The following GRB2 variants were observed in gnomAD, a reference collection of about 807,000 sequenced individuals.
GRB2 encodes the protein growth factor receptor-bound protein 2.
Under a neutral mutation model 27.4 loss-of-function variants are expected in GRB2, and 2 were observed. The ratio of observed to expected loss-of-function variants is 0.07; its 90% CI spans 0.03 to 0.23. The LOEUF (loss-of-function observed/expected upper bound fraction) is 0.23, where lower values mean the gene tolerates loss of function less well. Ranked by LOEUF, GRB2 falls within the 10% of genes least tolerant of loss-of-function variation. The probability of loss-of-function intolerance (pLI) is 1.00; values close to 1 mark genes in which losing one functional copy is unlikely to be tolerated. For synonymous variants in GRB2, 94 were observed against 99.6 expected (o/e 0.94, Z 0.33); for missense variants, 102 against 282.4 (o/e 0.36, Z 4.58).
intron 1 of GRB2, among the ~76,000 whole-genome samples, chr17:75,395,497 A>G (rs2079023767): frequency 6.6e-6 from 1 of 152,220 alleles, no homozygotes; most frequent in Admixed American, 6.5e-5. Flanking sequence ...ACATAATTTT[A>G]AAAGTCAGAG....
chr17:75,339,223 T>A, intron 2 of GRB2: 4 of 707,304 alleles, frequency 5.7e-6, no homozygotes, highest in South Asian at 3.2e-5. Context: ...AGACAGAGTC[T>A]TGCTCTGTTG....
chr17:75,335,759 G>C (rs2078572884), intron 2 of GRB2, among the ~76,000 whole-genome samples: 1 of 152,086 alleles, frequency 6.6e-6, no homozygotes, highest in Non-Finnish European at 1.5e-5. Flanking sequence ...GTTTCCAAGA[G>C]TCACATAAAT....
intron 3 of GRB2, among the ~76,000 whole-genome samples, chr17:75,331,355 C>T (rs1371213678): frequency 2.6e-5 from 4 of 152,154 alleles, no homozygotes; most frequent in Admixed American, 2.0e-4. Flanking sequence ...ATAGTGGGGA[C>T]AAAAGGTCAA....
intron 2 of GRB2, among the ~76,000 whole-genome samples, chr17:75,355,608 TAAAA>T (rs772895105): frequency 8.0e-6 from 1 of 125,166 alleles, no homozygotes; most frequent in Admixed American, 8.1e-5. Flanking sequence ...CTGATGAGCT[TAAAA>T]AAAAAAAAAA....
At chr17:75,353,866 C>T (rs1321385634) in intron 2 of GRB2, among the ~76,000 whole-genome samples, 1 of 151,796 alleles carries the variant, frequency 6.6e-6, no homozygotes, top group Non-Finnish European at 1.5e-5. Flanking sequence ...TGGAGAAACT[C>T]CGTCTCTACT....
At chr17:75,336,392 CAA>C (rs1257972007) in intron 2 of GRB2, among the ~76,000 whole-genome samples, 5 of 152,114 alleles carry the variant, frequency 3.3e-5, no homozygotes, top group Admixed American at 3.3e-4. Context: ...GTCAGACTGA[CAA>C]AGAGCTGCTT....
intron 1 of GRB2, among the ~76,000 whole-genome samples, chr17:75,397,006 T>C (rs980598755): frequency 6.6e-5 from 10 of 152,202 alleles, no homozygotes; most frequent in African/African-American, 2.4e-4. Flanking sequence ...TCTCAATACC[T>C]GCTTTCCTGC....
At chr17:75,322,487 T>C (rs1218223776) in intron 4 of GRB2, among the ~76,000 whole-genome samples, 2 of 152,014 alleles carry the variant, frequency 1.3e-5, no homozygotes, top group African/African-American at 4.8e-5. Flanking sequence ...AATTAAAATC[T>C]TATATGCAGG....
intron 2 of GRB2, among the ~76,000 whole-genome samples, chr17:75,343,819 C>G (rs1037583547): frequency 1.3e-5 from 2 of 151,872 alleles, no homozygotes; most frequent in East Asian, 1.9e-4. Flanking sequence ...TTCAACTGCA[C>G]GAGCAGGGAG....
chr17:75,380,846 A>G (rs903813202), intron 2 of GRB2, among the ~76,000 whole-genome samples: 1 of 152,232 alleles, frequency 6.6e-6, no homozygotes, highest in Non-Finnish European at 1.5e-5. Flanking sequence ...CATCTCAGAA[A>G]TCTGGTTAAC....
chr17:75,391,528 G>T (rs565104939), intron 2 of GRB2, among the ~76,000 whole-genome samples: 37 of 152,242 alleles, frequency 2.4e-4, no homozygotes, highest in Non-Finnish European at 4.9e-4. Flanking sequence ...TTAAAAAAAG[G>T]CTGGGTGCAG....
intron 2 of GRB2, among the ~76,000 whole-genome samples, chr17:75,368,512 TGCGTCAG>T (rs1052245270): frequency 2.1e-4 from 32 of 151,766 alleles, no homozygotes; most frequent in Admixed American, 1.6e-3. Context: ...CGTGACCCAC[TGCGTCAG>T]GCGTTTGTTT....
chr17:75,382,459 G>C (rs938054213), intron 2 of GRB2, among the ~76,000 whole-genome samples: 2 of 152,152 alleles, frequency 1.3e-5, no homozygotes, highest in African/African-American at 4.8e-5. Context: ...CATTTATATA[G>C]GTTCAGCATC....
intron 3 of GRB2, among the ~76,000 whole-genome samples, chr17:75,330,536 T>C (rs2078532928): frequency 6.6e-6 from 1 of 151,208 alleles, no homozygotes; most frequent in African/African-American, 2.4e-5. Flanking sequence ...TCGACGGGAG[T>C]GGAGGCACGC....
rs1010940247 is a variant in GRB2, at chr17:75,320,914, C to A, written c.469-361G>T. 1.3e-5 allele frequency among the ~76,000 whole-genome samples: 2 copies of A among 152,250 alleles called. No homozygotes were observed. Among genetic ancestry groups the A allele is most frequent in the African/African-American group, 4.8e-5 (2 of 41,538 alleles). On this transcript the variant is annotated intron_variant, in intron 5 of 5. Coordinates refer to ENST00000316804, the MANE Select transcript of GRB2 (RefSeq NM_002086.5). This position sits in a 1 kb window ranked among gnomAD's most constrained non-coding sequence, Gnocchi z 4.3. ...AGAATCGCAAATCCCTTCTACGACA[C>A]CCTTAAGGTATTAAAGCCTAAAGTT...
chr17:75,404,734 A>G (rs2079087533), intron 1 of GRB2: 1 of 152,226 alleles, frequency 6.6e-6, no homozygotes, highest in Non-Finnish European at 1.5e-5. Context: ...CATCAAAAAG[A>G]GACAGACCTC....
intron 2 of GRB2, among the ~76,000 whole-genome samples, chr17:75,363,622 G>A (rs2078799677): frequency 8.3e-6 from 1 of 120,520 alleles, no homozygotes; most frequent in Non-Finnish European, 1.9e-5. Flanking sequence ...CACTTTGGGA[G>A]GCCGAGGAGG....
intron 2 of GRB2, among the ~76,000 whole-genome samples, chr17:75,378,908 C>T (rs745552434): frequency 6.6e-6 from 1 of 152,146 alleles, no homozygotes; most frequent in Non-Finnish European, 1.5e-5. Context: ...ACACAAATTT[C>T]GGTTCACAAT....
chr17:75,362,300 G>A (rs2078788051), intron 2 of GRB2, among the ~76,000 whole-genome samples: 2 of 152,132 alleles, frequency 1.3e-5, no homozygotes, highest in Non-Finnish European at 2.9e-5. Flanking sequence ...ATGAAATTCT[G>A]ATACCACAGA....
Sources: allele counts gnomAD v4.1 joint callset (sites outside exome capture counted in the v4.1 genomes callset), GRCh38; gene constraint gnomAD v4.1.1; non-coding constraint Gnocchi (gnomAD v3.1); transcripts MANE v1.5; gene names NCBI Gene and HGNC (gene_info 2026-07-23, HGNC 2026-07-21).